Variants in PI4K2B observed in about 807,000 individuals in gnomAD.
PI4K2B encodes phosphatidylinositol 4-kinase type 2-beta.
In PI4K2B, 46 loss-of-function variants were observed where a neutral mutation model predicts 56.6. That is an observed-to-expected ratio of 0.81 (90% confidence interval 0.64 to 1.04). The LOEUF is 1.04. Ranked by LOEUF, PI4K2B falls within the 50% of genes least tolerant of loss-of-function variation. PI4K2B has a pLI of 0.00. For missense variants in PI4K2B, 556 were observed against 607.7 expected, an observed-to-expected ratio of 0.91 and a Z score of 0.89; for synonymous variants, 211 against 223.8, an observed-to-expected ratio of 0.94 and a Z score of 0.51.
chr4:25,256,742 G>A, intron 4 of PI4K2B, 68 bp downstream of exon 4: 1 of 1,415,766 alleles, frequency 7.1e-7, no homozygotes, highest in Non-Finnish European at 9.8e-7. Context: ...CTAGGAGCCA[G>A]GCATTGTGCT....
intron 7 of PI4K2B, among the ~76,000 whole-genome samples, chr4:25,266,238 G>A (rs1187813984): frequency 6.6e-6 from 1 of 152,168 alleles, no homozygotes; most frequent in Non-Finnish European, 1.5e-5. Context: ...CATGCTCATA[G>A]CTTACTGCAG....
At chr4:25,242,998 C>T (rs576378335) in intron 1 of PI4K2B, among the ~76,000 whole-genome samples, 29 of 152,328 alleles carry the variant, frequency 1.9e-4, no homozygotes, top group African/African-American at 7.0e-4. Context: ...CAAAGTCTCC[C>T]AATTACAACT....
At chr4:25,244,028 C>G (rs534205876) in intron 1 of PI4K2B, among the ~76,000 whole-genome samples, 11 of 152,284 alleles carry the variant, frequency 7.2e-5, no homozygotes, top group Non-Finnish European at 1.6e-4. Flanking sequence ...AGGATTTGAT[C>G]TAAGAGTAGC....
At chr4:25,250,794 G>T (rs552356361) in intron 1 of PI4K2B, among the ~76,000 whole-genome samples, 25 of 152,324 alleles carry the variant, frequency 1.6e-4, no homozygotes, top group African/African-American at 5.8e-4. Flanking sequence ...GGTGAGAGCC[G>T]ATGGTAACCT....
chr4:25,277,362 T>C lies in PI4K2B; in HGVS notation c.*175T>C, dbSNP rs1717145146. The stretch of plus-strand genomic sequence containing the variant: ...CAGTTTTTTGTCCAAATATTAAATT[T>C]CTATTTCAGGGAAGAAGTGCTATAT... On this transcript the variant is annotated 3_prime_UTR_variant, in exon 10 of 10. Transcript: ENST00000264864. 1.0e-5 allele frequency: 7 copies of C among 690,038 alleles called. No individual in the cohort carries two copies. Among genetic ancestry groups the C allele is most frequent in the Non-Finnish European group, 1.5e-5 (7 of 462,786 alleles). 42.7% of individuals were successfully genotyped at this position (690,038 alleles called of 1,614,324 possible).
At position 25,278,930 on chromosome 4, in the gene PI4K2B, G is replaced by C. The variant is rs1240387884; in HGVS notation, c.*1743G>C. On this transcript the variant is annotated 3_prime_UTR_variant, in exon 10 of 10. Coordinates refer to ENST00000264864, the MANE Select transcript of PI4K2B (RefSeq NM_018323.4). Reference sequence around the variant, plus strand: ...CTGGCCATACCAGAAAAGTACAGTTGAGATAGTTAAGATATAACCACAAGT... The same window carrying C: ...CTGGCCATACCAGAAAAGTACAGTTCAGATAGTTAAGATATAACCACAAGT... The C allele has an allele frequency of 6.6e-6, 1 of 152,512 alleles. No individual in the cohort carries two copies. Among genetic ancestry groups the C allele is most frequent in the Non-Finnish European group, 1.5e-5 (1 of 68,010 alleles). The allele number at this position is 152,512 out of a possible 1,614,324, so 9.4% of individuals were successfully genotyped here.
rs770286144 is a variant in PI4K2B, at chr4:25,277,000, T to G, written c.1273-14T>G. ...ATCTTTTTAAATTGGTAAAAATCTC[T>G]CTTCTTCCCACAGATCTTAAACCTT... On this transcript the variant is annotated splice_polypyrimidine_tract_variant and intron_variant, in intron 9 of 9. Coordinates refer to ENST00000264864, the MANE Select transcript of PI4K2B (RefSeq NM_018323.4). 8 of 1,523,156 alleles carry G rather than the reference T, an allele frequency of 5.3e-6. No homozygotes were observed. Among genetic ancestry groups the G allele is most frequent in the Non-Finnish European group, 7.1e-6 (8 of 1,123,750 alleles). The allele number at this position is 1,523,156 out of a possible 1,614,324, so 94.4% of individuals were successfully genotyped here.
chr4:25,267,461 G>A (rs983092380), intron 7 of PI4K2B, among the ~76,000 whole-genome samples: 4 of 152,348 alleles, frequency 2.6e-5, no homozygotes, highest in African/African-American at 2.4e-5. Context: ...AGGCTGAGGC[G>A]AGAGAATTGC....
Position 25,246,110 on chromosome 4 carries a change from C to T in PI4K2B, c.269-6211C>T, listed in dbSNP as rs372411435. 2.6e-4 allele frequency among the ~76,000 whole-genome samples: 40 copies of T among 152,094 alleles called. 1 individual carries two copies. The highest frequency in any genetic ancestry group is 7.7e-4 in the African/African-American group (32 of 41,494). ...TCAGGAGTGAAGCTGCAGACCTTCG[C>T]GGTGAGTGTTACAGCTCAGAAAGGC... On this transcript the variant is annotated intron_variant, in intron 1 of 9. Transcript: ENST00000264864.
At chr4:25,246,947 C>T (rs531595267) in intron 1 of PI4K2B, among the ~76,000 whole-genome samples, 31 of 152,358 alleles carry the variant, frequency 2.0e-4, no homozygotes, top group Admixed American at 2.0e-4. Flanking sequence ...CTGGAACTTG[C>T]GCTGGCCTGC....
chr4:25,244,319 G>A (rs529305381), intron 1 of PI4K2B, among the ~76,000 whole-genome samples: 1 of 152,204 alleles, frequency 6.6e-6, no homozygotes, highest in African/African-American at 2.4e-5. Context: ...AATAGGAAGG[G>A]GAGCTATAGG....
At chr4:25,267,999 T>C in intron 7 of PI4K2B, 1 of 279,428 alleles carries the variant, frequency 3.6e-6, no homozygotes, top group Non-Finnish European at 5.4e-6. Flanking sequence ...AGTGGGAGAA[T>C]CCCTTGAGTC....
At chr4:25,235,864 G>A (rs1417354170) in intron 1 of PI4K2B, among the ~76,000 whole-genome samples, 1 of 152,064 alleles carries the variant, frequency 6.6e-6, no homozygotes, top group South Asian at 2.1e-4. Context: ...AAAAATCAAA[G>A]CGAGAGGTCA....
intron 9 of PI4K2B, among the ~76,000 whole-genome samples, chr4:25,269,667 T>G (rs1716801462): frequency 6.6e-6 from 1 of 151,706 alleles, no homozygotes; most frequent in African/African-American, 2.4e-5. Flanking sequence ...TGAAGTTGAT[T>G]CAAATAGTTT....
intron 1 of PI4K2B, among the ~76,000 whole-genome samples, chr4:25,244,142 G>A (rs564241057): frequency 6.6e-6 from 1 of 152,292 alleles, no homozygotes; most frequent in Non-Finnish European, 1.5e-5. Context: ...GCCTTGATCT[G>A]CTTTAAATCA....
intron 9 of PI4K2B, among the ~76,000 whole-genome samples, chr4:25,273,130 GTTTTT>G (rs67178709): frequency 6.7e-6 from 1 of 149,512 alleles, no homozygotes. Context: ...CAATATGAAA[GTTTTT>G]TTTTTTTAAT....
chr4:25,249,956 G>A (rs530451343), intron 1 of PI4K2B, among the ~76,000 whole-genome samples: 3 of 152,356 alleles, frequency 2.0e-5, no homozygotes, highest in African/African-American at 7.2e-5. Flanking sequence ...GCGAGACTCC[G>A]TTTGCAATCC....
In PI4K2B at chr4:25,248,191, G is replaced by A. The variant is rs376370663; in HGVS notation, c.269-4130G>A. Reference sequence around the variant, plus strand: ...CTTACTTCATACATACTTCAATTGTGCTAAATAAAAAAGGTTATATAATGA... The same window carrying A: ...CTTACTTCATACATACTTCAATTGTACTAAATAAAAAAGGTTATATAATGA... On this transcript the variant is annotated intron_variant, in intron 1 of 9. Transcript: ENST00000264864. 1.2e-3 allele frequency among the ~76,000 whole-genome samples: 179 copies of A among 152,188 alleles called. 2 individuals are homozygous for A. In the South Asian group the frequency reaches 0.022, roughly 18 times the overall value.
At chr4:25,237,428 G>A (rs1202149800) in intron 1 of PI4K2B, among the ~76,000 whole-genome samples, 6 of 151,870 alleles carry the variant, frequency 4.0e-5, no homozygotes, top group Non-Finnish European at 8.8e-5. Context: ...AGGCTGGATT[G>A]TAATGGCGTA....
Sources: gnomAD v4.1 joint callset for allele counts (sites outside exome capture counted in the v4.1 genomes callset) on GRCh38, gnomAD v4.1.1 for gene constraint, MANE v1.5 for transcripts, NCBI Gene and HGNC (gene_info 2026-07-23, HGNC 2026-07-21) for gene names.